RNF216: variants seen among roughly 807,000 people sequenced by gnomAD.
RNF216 encodes the protein E3 ubiquitin-protein ligase RNF216.
Under a neutral mutation model 110.8 loss-of-function variants are expected in RNF216, and 72 were observed. That is an observed-to-expected ratio of 0.65 (90% CI 0.54 to 0.79). The LOEUF (loss-of-function observed/expected upper bound fraction) is 0.79. Ranked by LOEUF, RNF216 falls within the 30% of genes least tolerant of loss-of-function variation. The probability of loss-of-function intolerance (pLI) is 0.00; values close to 1 mark genes in which losing one functional copy is unlikely to be tolerated. For synonymous variants in RNF216, 495 were observed against 407.5 expected, an observed-to-expected ratio of 1.21 and a Z score of -2.59; for missense variants, 1,342 against 1,141.2, an observed-to-expected ratio of 1.18 and a Z score of -2.54.
chr7:5,713,099 G>A (rs1441197168), intron 11 of RNF216, among the ~76,000 whole-genome samples: 4 of 152,158 alleles, frequency 2.6e-5, no homozygotes, highest in Non-Finnish European at 5.9e-5. Context: ...GACTGAAAGT[G>A]GCGGAAGGGC....
intron 13 of RNF216, among the ~76,000 whole-genome samples, chr7:5,686,881 C>T (rs989437232): frequency 6.6e-6 from 1 of 152,150 alleles, no homozygotes; most frequent in Non-Finnish European, 1.5e-5. Context: ...ACAGGGTTCA[C>T]GCTCCTGAGA....
At chr7:5,681,043 C>T (rs1048313627) in intron 13 of RNF216, among the ~76,000 whole-genome samples, 9 of 152,146 alleles carry the variant, frequency 5.9e-5, no homozygotes, top group Admixed American at 2.6e-4. Flanking sequence ...CCCGCAGATA[C>T]CCCAGACCCT....
At chr7:5,635,169 A>G (rs964274887) in intron 15 of RNF216, among the ~76,000 whole-genome samples, 3 of 152,192 alleles carry the variant, frequency 2.0e-5, no homozygotes, top group African/African-American at 7.2e-5. Flanking sequence ...CCCATGCAGT[A>G]AAAATCACAC....
chr7:5,635,317 A>C (rs1787333668), intron 15 of RNF216, among the ~76,000 whole-genome samples: 1 of 150,298 alleles, frequency 6.7e-6, no homozygotes, highest in South Asian at 2.1e-4. Flanking sequence ...TTAACACACA[A>C]TGATATTTAT....
chr7:5,693,006 T>C (rs1238851900), intron 13 of RNF216, among the ~76,000 whole-genome samples: 1 of 152,238 alleles, frequency 6.6e-6, no homozygotes, highest in Non-Finnish European at 1.5e-5. Context: ...ATTGTGGGCA[T>C]ATTGCACCCA....
At chr7:5,752,699 T>G in intron 3 of RNF216, 147 bp downstream of exon 3, 1 of 701,394 alleles carries the variant, frequency 1.4e-6, no homozygotes, top group Non-Finnish European at 2.3e-6. Flanking sequence ...CTTCTAAATC[T>G]AAGAGTACAC....
At chr7:5,724,670 C>T (rs1793641231) in intron 8 of RNF216, among the ~76,000 whole-genome samples, 1 of 152,126 alleles carries the variant, frequency 6.6e-6, no homozygotes, top group Non-Finnish European at 1.5e-5. Context: ...TTTATAGTTA[C>T]CTGAGTTTCC....
chr7:5,695,956 C>G (rs1490871058), intron 13 of RNF216, among the ~76,000 whole-genome samples: 1 of 152,194 alleles, frequency 6.6e-6, no homozygotes, highest in Non-Finnish European at 1.5e-5. Flanking sequence ...ATCCAAGGAA[C>G]AGACTTCATT....
At chr7:5,691,064 AG>A (rs1166317559) in intron 13 of RNF216, among the ~76,000 whole-genome samples, 2 of 152,126 alleles carry the variant, frequency 1.3e-5, no homozygotes, top group Non-Finnish European at 2.9e-5. Context: ...AGCCGTGCAA[AG>A]AACTCTGTTC....
chr7:5,711,695 G>A, intron 13 of RNF216, 66 bp downstream of exon 13: 1 of 1,264,606 alleles, frequency 7.9e-7, no homozygotes, highest in Non-Finnish European at 1.1e-6. Flanking sequence ...GCAGATATTT[G>A]GGCCATGAGG....
intron 13 of RNF216, among the ~76,000 whole-genome samples, chr7:5,675,715 T>TG: frequency 9.5e-6 from 1 of 105,560 alleles, no homozygotes; most frequent in East Asian, 2.3e-4. Flanking sequence ...ATTCAAATTC[T>TG]TTTTTTTTTT....
In RNF216 at chr7:5,622,747, C is replaced by A; in HGVS notation, c.*113G>T. On this transcript the variant is annotated 3_prime_UTR_variant, in exon 17 of 17. Transcript: ENST00000389902. The stretch of plus-strand genomic sequence containing the variant: ...AGGGGTGGGAAGAAAACCAGCCTAC[C>A]CTTCAAGCTGACTTAGGATGCAATG... 2.8e-6 allele frequency: 3 copies of A among 1,074,384 alleles called. No individual in the cohort carries two copies. Among genetic ancestry groups the A allele is most frequent in the East Asian group, 4.9e-5 (2 of 40,944 alleles). 66.6% of individuals were successfully genotyped at this position (1,074,384 alleles called of 1,614,324 possible).
At chr7:5,648,267 T>C (rs1788169737) in intron 14 of RNF216, among the ~76,000 whole-genome samples, 1 of 151,870 alleles carries the variant, frequency 6.6e-6, no homozygotes, top group Non-Finnish European at 1.5e-5. Context: ...CCACCATGCC[T>C]GGGTAATTTT....
intron 13 of RNF216, among the ~76,000 whole-genome samples, chr7:5,658,549 T>C (rs1237857221): frequency 7.1e-6 from 1 of 141,342 alleles, no homozygotes; most frequent in East Asian, 2.0e-4. Context: ...TCTCAGCTAC[T>C]TGGGAGGCTG....
intron 13 of RNF216, among the ~76,000 whole-genome samples, chr7:5,665,727 T>C (rs992822395): frequency 6.6e-6 from 1 of 152,110 alleles, no homozygotes; most frequent in African/African-American, 2.4e-5. Context: ...TTTATCTTTA[T>C]CATAGTAACT....
rs576261723 is a variant in RNF216 at position 5,695,273 on chromosome 7, G to A, written c.2061+16488C>T. On this transcript the variant is annotated intron_variant, in intron 13 of 16. Coordinates refer to ENST00000389902, the MANE Select transcript of RNF216 (RefSeq NM_207111.4). ...AATACCAATATACAAAACCACCTGC[G>A]CAGACCCAGTGCAGCAACTTGTACC... is the stretch of plus-strand genomic sequence containing the variant. Among the ~76,000 whole-genome samples, 5 of 152,218 alleles carry A rather than the reference G, an allele frequency of 3.3e-5. No individual in the cohort carries two copies. The East Asian group carries it at 9.6e-4, about 29-fold the overall frequency.
intron 13 of RNF216, among the ~76,000 whole-genome samples, chr7:5,683,885 A>C (rs917035307): frequency 5.9e-5 from 9 of 152,070 alleles, no homozygotes; most frequent in African/African-American, 1.9e-4. Context: ...GATAAACACC[A>C]CATGAATTCT....
At chr7:5,677,845 G>C (rs1308858932) in intron 13 of RNF216, among the ~76,000 whole-genome samples, 1 of 152,172 alleles carries the variant, frequency 6.6e-6, no homozygotes, top group Non-Finnish European at 1.5e-5. Flanking sequence ...TCAGGGGAAG[G>C]AGGATACTGG....
intron 13 of RNF216, among the ~76,000 whole-genome samples, chr7:5,667,784 T>C (rs1166098907): frequency 1.3e-5 from 2 of 152,194 alleles, no homozygotes; most frequent in East Asian, 3.8e-4. Flanking sequence ...GGAAGCCTCC[T>C]TCCAGGTAGG....
Sources: gnomAD v4.1 joint callset for allele counts (sites outside exome capture counted in the v4.1 genomes callset) on GRCh38, gnomAD v4.1.1 for gene constraint, MANE v1.5 for transcripts, NCBI Gene and HGNC (gene_info 2026-07-23, HGNC 2026-07-21) for gene names.